TRIT1: variants seen among roughly 807,000 people sequenced by gnomAD.
TRIT1 encodes tRNA dimethylallyltransferase.
TRIT1 carries 43 observed loss-of-function variants against 51.2 expected under a neutral mutation model. The ratio of observed to expected loss-of-function variants is 0.84; its 90% confidence interval spans 0.66 to 1.08. The LOEUF (loss-of-function observed/expected upper bound fraction) is 1.08, where lower values mean the gene tolerates loss of function less well. Ranked by LOEUF, TRIT1 falls within the 50% of genes least tolerant of loss-of-function variation. The probability of loss-of-function intolerance (pLI) is 0.00; values close to 1 mark genes in which losing one functional copy is unlikely to be tolerated. For missense variants in TRIT1, 528 were observed against 578.4 expected (o/e 0.91, Z 0.89); for synonymous variants, 184 against 203.9 (o/e 0.90, Z 0.83).
chr1:39,862,901 C>T lies in TRIT1; in HGVS notation c.175-5484G>A, dbSNP rs141036282. On this transcript the variant is annotated intron_variant, in intron 1 of 10. Coordinates refer to ENST00000316891, the MANE Select transcript of TRIT1 (RefSeq NM_017646.6). ...CTTTCAAAGACAGCATGCCACTCTGCTCCATTTCCCCTTCTCCCAAAGGAT... is the reference window on the plus strand; with the variant it reads ...CTTTCAAAGACAGCATGCCACTCTGTTCCATTTCCCCTTCTCCCAAAGGAT... 64 of 985,466 alleles carry T rather than the reference C, an allele frequency of 6.5e-5. No homozygotes were observed. In the African/African-American group the frequency reaches 9.6e-4, roughly 15 times the overall value. 61.0% of individuals were successfully genotyped at this position (985,466 alleles called of 1,614,324 possible). A position where few individuals can be genotyped will look rare whatever the true frequency, so the allele number is the denominator to read the frequency against.
At chr1:39,871,345 C>A (rs1210270041) in intron 1 of TRIT1, among the ~76,000 whole-genome samples, 1 of 152,082 alleles carries the variant, frequency 6.6e-6, no homozygotes, top group Non-Finnish European at 1.5e-5. Flanking sequence ...ATAATCGGAG[C>A]CTGAGGCAGG....
In TRIT1 at chr1:39,850,235, C is replaced by A. The variant is rs1642482143; in HGVS notation, c.587G>T (p.Gly196Val). 3 of 1,614,034 alleles carry A rather than the reference C, an allele frequency of 1.9e-6. No individual in the cohort carries two copies. Among genetic ancestry groups the A allele is most frequent in the Non-Finnish European group, 2.5e-6 (3 of 1,180,026 alleles). The change falls in exon 5 of 11, where the codon GGA (glycine) becomes GTA (valine). Residue 196 changes from glycine (G) to valine (V), a missense_variant. Coordinates refer to ENST00000316891, the MANE Select transcript of TRIT1 (RefSeq NM_017646.6). ...ATGGAGAAATTCACTATGAGAGATT[C>A]CTGTTTCTTCAAAAACTTGCAAGCT... ...ARSLQVFEET[G>V]ISHSEFLHRQ...
At chr1:39,846,524 T>G (rs909477821) in intron 8 of TRIT1, among the ~76,000 whole-genome samples, 1 of 152,060 alleles carries the variant, frequency 6.6e-6, no homozygotes, top group South Asian at 2.1e-4. Flanking sequence ...TATAAAGGAG[T>G]GTGGACTCTG....
chr1:39,861,923 C>CAA (rs60007826), intron 1 of TRIT1, among the ~76,000 whole-genome samples: 65 of 68,364 alleles, frequency 9.5e-4, no homozygotes, highest in African/African-American at 2.6e-3. Context: ...GGCTCTGTCT[C>CAA]AAAAAAAAAA....
chr1:39,879,501 T>C (rs1426256544), intron 1 of TRIT1, among the ~76,000 whole-genome samples: 1 of 151,714 alleles, frequency 6.6e-6, no homozygotes, highest in African/African-American at 2.4e-5. Context: ...TATATATATA[T>C]ATTTATCACC....
chr1:39,879,532 T>C (rs960502089), intron 1 of TRIT1, among the ~76,000 whole-genome samples: 4 of 151,980 alleles, frequency 2.6e-5, no homozygotes, highest in African/African-American at 9.7e-5. Flanking sequence ...TCCATGCCTA[T>C]AGTCCCAGCT....
chr1:39,856,321 T>A (rs1373413732), intron 2 of TRIT1, among the ~76,000 whole-genome samples: 1 of 151,368 alleles, frequency 6.6e-6, no homozygotes, highest in Non-Finnish European at 1.5e-5. Flanking sequence ...ATAATAATAA[T>A]AAAATGAAAA....
chr1:39,848,607 C>T (rs749425239), intron 5 of TRIT1, among the ~76,000 whole-genome samples: 4 of 150,858 alleles, frequency 2.7e-5, no homozygotes, highest in Admixed American at 6.7e-5. Context: ...GGGTGGATCA[C>T]GAGGTCAAGA....
At position 39,841,793 on chromosome 1, in the gene TRIT1, T is replaced by C. The variant is rs1445220485; in HGVS notation, c.1355A>G (p.Glu452Gly). Residue 452 changes from glutamate to glycine, a missense_variant, in exon 11 of 11, where the codon GAG becomes GGG. This residue lies in a region of TRIT1 where 468 missense variants were observed against 522.6 expected (regional missense o/e 0.90). Coordinates refer to ENST00000316891, the MANE Select transcript of TRIT1 (RefSeq NM_017646.6). ...VSPDHNKEPK[E>G]KGSPGQNDQE... The stretch of plus-strand genomic sequence containing the variant: ...ATCATTCTGCCCTGGGGATCCCTTC[T>C]CTTTAGGTTCTTTGTTATGGTCTGG... The C allele has an allele frequency of 6.2e-7, 1 of 1,614,082 alleles. No individual in the cohort carries two copies.
intron 1 of TRIT1, among the ~76,000 whole-genome samples, chr1:39,877,114 T>C (rs562000731): frequency 7.3e-4 from 110 of 150,182 alleles, no homozygotes; most frequent in Admixed American, 1.7e-3. Flanking sequence ...TCTCCTTTCA[T>C]ATCCCTCCCC....
At chr1:39,865,724 C>T (rs950532871) in intron 1 of TRIT1, among the ~76,000 whole-genome samples, 1 of 148,810 alleles carries the variant, frequency 6.7e-6, no homozygotes, top group Non-Finnish European at 1.5e-5. Flanking sequence ...GTGGTGTGCA[C>T]CTGTAGTCCC....
intron 1 of TRIT1, among the ~76,000 whole-genome samples, chr1:39,863,845 A>G (rs1348104498): frequency 2.0e-5 from 3 of 152,176 alleles, no homozygotes; most frequent in South Asian, 2.1e-4. Context: ...AATCCATAAC[A>G]GAGAACTAGA....
At position 39,840,916 on chromosome 1, in the gene TRIT1, C is replaced by G. The variant is rs1641849114; in HGVS notation, c.*828G>C. 6.6e-6 allele frequency: 1 copy of G among 152,154 alleles called. No homozygotes were observed. Among genetic ancestry groups the G allele is most frequent in the Non-Finnish European group, 1.5e-5 (1 of 68,030 alleles). 9.4% of individuals were successfully genotyped at this position (152,154 alleles called of 1,614,324 possible). On this transcript the variant is annotated 3_prime_UTR_variant, in exon 11 of 11. Transcript: ENST00000316891. ...AGGACTATAACGTGTTAAATAAACA[C>G]CCGCTACATAAATGAACAGACAGCA... is the stretch of plus-strand genomic sequence containing the variant.
intron 2 of TRIT1, among the ~76,000 whole-genome samples, chr1:39,854,966 C>T (rs1188024465): frequency 6.6e-6 from 1 of 151,938 alleles, no homozygotes; most frequent in African/African-American, 2.4e-5. Context: ...CCTCAGCTCC[C>T]GCCACCAAGT....
chr1:39,850,310 A>G, intron 4 of TRIT1, 49 bp from the exon 5 acceptor site: 1 of 1,601,048 alleles, frequency 6.2e-7, no homozygotes, highest in Non-Finnish European at 8.5e-7. Flanking sequence ...AAAAACCAAT[A>G]GAAAATATTC....
chr1:39,858,824 T>C (rs1019814761), intron 1 of TRIT1, among the ~76,000 whole-genome samples: 1 of 152,248 alleles, frequency 6.6e-6, no homozygotes, highest in Admixed American at 6.5e-5. Flanking sequence ...CAGACTCACA[T>C]TCTCATACCT....
intron 1 of TRIT1, among the ~76,000 whole-genome samples, chr1:39,869,631 C>G (rs553107512): frequency 6.6e-6 from 1 of 151,558 alleles, no homozygotes; most frequent in Non-Finnish European, 1.5e-5. Context: ...CGCCTCTTCC[C>G]GGCCGCCATC....
intron 1 of TRIT1, among the ~76,000 whole-genome samples, chr1:39,871,822 T>C (rs1218191927): frequency 1.3e-5 from 2 of 152,154 alleles, no homozygotes; most frequent in African/African-American, 4.8e-5. Flanking sequence ...CTGTGGGGTA[T>C]ATATCTGACT....
chr1:39,875,011 AT>A (rs1048556298), intron 1 of TRIT1, among the ~76,000 whole-genome samples: 1 of 151,610 alleles, frequency 6.6e-6, no homozygotes, highest in African/African-American at 2.4e-5. Context: ...CTTTGTTCTC[AT>A]TTTTTTCATA....
Sources: gnomAD v4.1 joint callset for allele counts (sites outside exome capture counted in the v4.1 genomes callset) on GRCh38, gnomAD v4.1.1 for gene constraint, gnomAD v4.1.1 regional missense constraint, MANE v1.5 for transcripts, NCBI Gene and HGNC (gene_info 2026-07-23, HGNC 2026-07-21) for gene names.